Variants in OVCA2 observed in about 807,000 individuals in gnomAD.
The protein encoded by OVCA2 is OVCA2 serine hydrolase domain containing, also known as esterase OVCA2.
Under a neutral mutation model 10.1 loss-of-function variants are expected in OVCA2, and 14 were observed. The observed-to-expected ratio is 1.39, with a 90% CI of 0.92 to 2.17. The LOEUF (loss-of-function observed/expected upper bound fraction) is 2.17. Among genes scored for constraint, OVCA2 ranks in the 30% most tolerant of loss-of-function variants. The probability of loss-of-function intolerance (pLI) is 0.00; values close to 1 mark genes in which losing one functional copy is unlikely to be tolerated. For missense variants in OVCA2, 376 were observed against 300.5 expected (o/e 1.25, Z -1.86); for synonymous variants, 201 against 134.1 (o/e 1.50, Z -3.45).
chr17:2,043,173 C>T lies in OVCA2; in HGVS notation c.*69C>T. 2 of 1,528,168 alleles carry T rather than the reference C, an allele frequency of 1.3e-6. No homozygotes were observed. The highest frequency in any genetic ancestry group is 1.8e-6 in the Non-Finnish European group (2 of 1,128,276). The allele number at this position is 1,528,168 out of a possible 1,614,324, so 94.7% of individuals were successfully genotyped here. A position where few individuals can be genotyped will look rare whatever the true frequency, so the allele number is the denominator to read the frequency against. The stretch of plus-strand genomic sequence containing the variant: ...GGCAGCCTCCGTCATCCATGCCCTC[C>T]CAGGACCCTCCACTCACTGCTGTGA... On this transcript the variant is annotated 3_prime_UTR_variant, in exon 2 of 2. Transcript: ENST00000572195.
Position 2,042,822 on chromosome 17 carries a change from A to G in OVCA2, c.402A>G (p.Ala134=). The change falls in exon 2 of 2, where the codon GCA becomes GCG. Residue 134 remains alanine, a synonymous_variant. Transcript: ENST00000572195. ...CCCTTGTGTGTGCCCTGGGCCAGGC[A>G]GGCGATCCCCGCTTCCCCTTGCCAC... is the stretch of plus-strand genomic sequence containing the variant. ...LAALVCALGQ[A]GDPRFPLPRF... The G allele has an allele frequency of 2.5e-6, 4 of 1,614,080 alleles. No individual in the cohort carries two copies. The South Asian group carries it at 4.4e-5, about 18-fold the overall frequency.
Position 2,042,780 on chromosome 17 carries a change from A to T in OVCA2, c.360A>T (p.Gln120His), listed in dbSNP as rs548112943. The T allele has an allele frequency of 1.2e-6, 2 of 1,611,692 alleles. No individual in the cohort carries two copies. The highest frequency in any genetic ancestry group is 2.2e-5 in the East Asian group (1 of 44,864). Residue 120 changes from glutamine (Q) to histidine (H), a missense_variant, in exon 2 of 2, where the codon CAA becomes CAT. Gln to His is a conservative substitution (Grantham distance 24). Coordinates refer to ENST00000572195, the MANE Select transcript of OVCA2 (RefSeq NM_080822.3). ...GPFDGLLGFSQGAALAALVCA... is the reference protein window; with the variant it reads ...GPFDGLLGFSHGAALAALVCA... ...TTGACGGCCTTCTTGGTTTCAGCCA[A>T]GGGGCTGCGCTAGCAGCCCTTGTGT... is the stretch of plus-strand genomic sequence containing the variant.
rs149243020 is a variant in OVCA2, at chr17:2,042,859, T to C, written c.439T>C (p.Leu147=). 3.8e-5 allele frequency: 61 copies of C among 1,614,066 alleles called. No individual in the cohort carries two copies. The highest frequency in any genetic ancestry group is 4.9e-5 in the Non-Finnish European group (58 of 1,180,020). The part of the protein sequence containing the change: ...PRFPLPRFIL[L]VSGFCPRGIG... Reference sequence around the variant, plus strand: ...CTTCCCCTTGCCACGGTTTATCCTCTTGGTGTCTGGTTTCTGTCCCCGGGG... The same window carrying C: ...CTTCCCCTTGCCACGGTTTATCCTCCTGGTGTCTGGTTTCTGTCCCCGGGG... Residue 147 remains leucine, a synonymous_variant, in exon 2 of 2, where the codon TTG becomes CTG. Transcript: ENST00000572195.
intron 1 of OVCA2, 76 bp from the exon 2 acceptor site, chr17:2,042,529 C>A: frequency 6.7e-7 from 1 of 1,483,978 alleles, no homozygotes; most frequent in South Asian, 1.5e-5. Context: ...CTCGAACCCT[C>A]CTGCCCTTTC....
At chr17:2,042,489 T>G in intron 1 of OVCA2, 116 bp from the exon 2 acceptor site, 1 of 1,408,744 alleles carries the variant, frequency 7.1e-7, no homozygotes, top group Non-Finnish European at 9.3e-7. Flanking sequence ...CCCCAGACTT[T>G]TGCCTCGATT....
rs913645650 is a variant in OVCA2, at chr17:2,042,057, C to G, written c.10C>G (p.Gln4Glu). Residue 4 changes from glutamine to glutamate, a missense_variant, in exon 1 of 2, where the codon CAG becomes GAG. By Grantham distance (29) the Gln-to-Glu change is conservative (BLOSUM62 2). Coordinates refer to ENST00000572195, the MANE Select transcript of OVCA2 (RefSeq NM_080822.3). MAA[Q>E]RPLRVLCLAG... ...CTCCTTGCCGGGCATAATGGCCGCG[C>G]AGCGACCCCTGCGGGTCCTGTGCCT... 1 of 1,536,298 alleles carries G rather than the reference C, an allele frequency of 6.5e-7. No homozygotes were observed. The highest frequency in any genetic ancestry group is 8.7e-7 in the Non-Finnish European group (1 of 1,149,548).
chr17:2,042,780 A>G lies in OVCA2; in HGVS notation c.360A>G (p.Gln120=), dbSNP rs548112943. ...TTGACGGCCTTCTTGGTTTCAGCCA[A>G]GGGGCTGCGCTAGCAGCCCTTGTGT... ...GPFDGLLGFS[Q]GAALAALVCA... is the part of the protein sequence containing the mutation. The change falls in exon 2 of 2, where the codon CAA becomes CAG. Residue 120 remains glutamine, a synonymous_variant. Coordinates refer to ENST00000572195, the MANE Select transcript of OVCA2 (RefSeq NM_080822.3). 1 of 1,611,692 alleles carries G rather than the reference A, an allele frequency of 6.2e-7. No individual in the cohort carries two copies. The highest frequency in any genetic ancestry group is 8.5e-7 in the Non-Finnish European group (1 of 1,179,200).
chr17:2,042,523 A>C, intron 1 of OVCA2, 82 bp from the exon 2 acceptor site: 1 of 1,454,810 alleles, frequency 6.9e-7, no homozygotes, highest in Non-Finnish European at 9.1e-7. Flanking sequence ...TGTCATCTCG[A>C]ACCCTCCTGC....
At chr17:2,042,398 T>A in intron 1 of OVCA2, 167 bp downstream of exon 1, 3 of 1,259,266 alleles carry the variant, frequency 2.4e-6, no homozygotes, top group Non-Finnish European at 3.1e-6. Context: ...CTGCAGCCTG[T>A]CCTCCCAGGC....
In OVCA2 at chr17:2,043,099, G is replaced by A. The variant is rs2067576276; in HGVS notation, c.679G>A (p.Glu227Lys). 2 of 1,613,074 alleles carry A rather than the reference G, an allele frequency of 1.2e-6. No individual in the cohort carries two copies. The highest frequency in any genetic ancestry group is 1.7e-6 in the Non-Finnish European group (2 of 1,179,604). ...AYLKFLDQFA[E>K] Reference sequence around the variant, plus strand: ...CCTCAAGTTCTTGGACCAGTTTGCAGAGTGAAAGATCAAGAAATGTCTCTG... The same window carrying A: ...CCTCAAGTTCTTGGACCAGTTTGCAAAGTGAAAGATCAAGAAATGTCTCTG... Residue 227 changes from glutamate to lysine, a missense_variant, in exon 2 of 2, where the codon GAG (glutamate) becomes AAG (lysine). By Grantham distance (56) the Glu-to-Lys change is moderately conservative. Coordinates refer to ENST00000572195, the MANE Select transcript of OVCA2 (RefSeq NM_080822.3).
chr17:2,042,189 G>T lies in OVCA2; in HGVS notation c.142G>T (p.Val48Phe), dbSNP rs754623230. The change falls in exon 1 of 2, where the codon GTC becomes TTC. Residue 48 changes from valine (V) to phenylalanine (F), a missense_variant. Coordinates refer to ENST00000572195, the MANE Select transcript of OVCA2 (RefSeq NM_080822.3). ...CGTGTGCCTCAGCGGCCCGCACCCG[G>T]TCCCCGACCCCCCGGGCCCCGAGGG... ...ELVCLSGPHP[V>F]PDPPGPEGAR... The T allele has an allele frequency of 2.8e-6, 4 of 1,435,140 alleles. No homozygotes were observed. Among genetic ancestry groups the T allele is most frequent in the Non-Finnish European group, 3.6e-6 (4 of 1,101,338 alleles). The allele number at this position is 1,435,140 out of a possible 1,614,324, so 88.9% of individuals were successfully genotyped here. A position where few individuals can be genotyped will look rare whatever the true frequency, so the allele number is the denominator to read the frequency against.
chr17:2,042,187 CG>C lies in OVCA2; in HGVS notation c.142del (p.Val48SerfsTer59). The C allele has an allele frequency of 7.0e-7, 1 of 1,436,630 alleles. No individual in the cohort carries two copies. Among genetic ancestry groups the C allele is most frequent in the Non-Finnish European group, 9.1e-7 (1 of 1,102,084 alleles). 89.0% of individuals were successfully genotyped at this position (1,436,630 alleles called of 1,614,324 possible). A position where few individuals can be genotyped will look rare whatever the true frequency, so the allele number is the denominator to read the frequency against. On this transcript the variant is annotated frameshift_variant, in exon 1 of 2. Coordinates refer to ENST00000572195, the MANE Select transcript of OVCA2 (RefSeq NM_080822.3). LOFTEE classifies it low-confidence loss of function (END_TRUNC). Reference protein sequence around the residue: ...AELVCLSGPHPVPDPPGPEGA... With the variant: ...AELVCLSGPHXVPDPPGPEGA... ...CTCGTGTGCCTCAGCGGCCCGCACC[CG>C]GTCCCCGACCCCCCGGGCCCCGAGG... is the stretch of plus-strand genomic sequence containing the variant.
chr17:2,042,460 A>G, intron 1 of OVCA2, 145 bp from the exon 2 acceptor site: 1 of 1,264,238 alleles, frequency 7.9e-7, no homozygotes, highest in South Asian at 1.9e-5. Flanking sequence ...CAATCCACTC[A>G]TTTCCCCCCT....
chr17:2,042,456 A>T, intron 1 of OVCA2, 149 bp from the exon 2 acceptor site: 3 of 1,253,012 alleles, frequency 2.4e-6, no homozygotes, highest in Non-Finnish European at 3.2e-6. Flanking sequence ...AGGCCAATCC[A>T]CTCATTTCCC....
chr17:2,042,759 C>T lies in OVCA2; in HGVS notation c.339C>T (p.Asp113=). 4.4e-6 allele frequency: 7 copies of T among 1,605,714 alleles called. No individual in the cohort carries two copies. The highest frequency in any genetic ancestry group is 6.0e-6 in the Non-Finnish European group (7 of 1,176,424). The part of the protein sequence containing the change: ...AQALNRLGPF[D]GLLGFSQGAA... ...CACTGAACAGGCTGGGGCCTTTTGA[C>T]GGCCTTCTTGGTTTCAGCCAAGGGG... Residue 113 remains aspartate, a synonymous_variant, in exon 2 of 2, where the codon GAC becomes GAT. Coordinates refer to ENST00000572195, the MANE Select transcript of OVCA2 (RefSeq NM_080822.3).
intron 1 of OVCA2, 157 bp from the exon 2 acceptor site, chr17:2,042,448 G>T: frequency 7.7e-7 from 1 of 1,295,486 alleles, no homozygotes; most frequent in Non-Finnish European, 1.0e-6. Context: ...TCCTGTTCAG[G>T]CCAATCCACT....
At position 2,042,039 on chromosome 17, in the gene OVCA2, C is replaced by G. The variant is rs1341120338; in HGVS notation, c.-9C>G. On this transcript the variant is annotated 5_prime_UTR_variant, in exon 1 of 2. Coordinates refer to ENST00000572195, the MANE Select transcript of OVCA2 (RefSeq NM_080822.3). ...CTTCCGGTGCTTCCGTCGCTCCTTG[C>G]CGGGCATAATGGCCGCGCAGCGACC... 2 of 1,512,266 alleles carry G rather than the reference C, an allele frequency of 1.3e-6. No individual in the cohort carries two copies. The highest frequency in any genetic ancestry group is 1.8e-6 in the Non-Finnish European group (2 of 1,136,232). 93.7% of individuals were successfully genotyped at this position (1,512,266 alleles called of 1,614,324 possible).
In OVCA2 at chr17:2,042,675, A is replaced by G; in HGVS notation, c.255A>G (p.Ala85=). The G allele has an allele frequency of 1.3e-6, 2 of 1,526,124 alleles. No homozygotes were observed. Among genetic ancestry groups the G allele is most frequent in the Non-Finnish European group, 1.8e-6 (2 of 1,140,240 alleles). 94.5% of individuals were successfully genotyped at this position (1,526,124 alleles called of 1,614,324 possible). Residue 85 remains alanine, a synonymous_variant, in exon 2 of 2, where the codon GCA becomes GCG. Coordinates refer to ENST00000572195, the MANE Select transcript of OVCA2 (RefSeq NM_080822.3). The part of the protein sequence containing the change: ...FSEQEADVFS[A]LEEPAVCRGL... ...AGCAGGAGGCCGACGTTTTCTCCGC[A>G]TTGGAAGAGCCCGCCGTCTGCAGGG...
rs748149119 is a variant in OVCA2, at chr17:2,042,654, GGAGGCCGACGTTTTCTCCGCATTGGAA to G, written c.238_264del (p.Ala80_Glu88del). 2.0e-6 allele frequency: 3 copies of G among 1,524,322 alleles called. No homozygotes were observed. Among genetic ancestry groups the G allele is most frequent in the South Asian group, 1.3e-5 (1 of 75,262 alleles). The allele number at this position is 1,524,322 out of a possible 1,614,324, so 94.4% of individuals were successfully genotyped here. On this transcript the variant is annotated inframe_deletion, in exon 2 of 2. Transcript: ENST00000572195. ...CTCGAGGCTGGTGGTTTTCAGAGCA[GGAGGCCGACGTTTTCTCCGCATTGGAA>G]GAGCCCGCCGTCTGCAGGGGCCTGG...
Sources: allele counts gnomAD v4.1 joint callset, GRCh38; gene constraint gnomAD v4.1.1; transcripts MANE v1.5; gene names NCBI Gene and HGNC (gene_info 2026-07-23, HGNC 2026-07-21).